The following KATNAL2 variants were observed in gnomAD, a reference collection of about 807,000 sequenced individuals.
KATNAL2 encodes katanin p60 ATPase-containing subunit A-like 2.
In KATNAL2, 52 loss-of-function variants were observed where a neutral mutation model predicts 76.3. That is an observed-to-expected ratio of 0.68 (90% confidence interval 0.55 to 0.86). The LOEUF (loss-of-function observed/expected upper bound fraction) is 0.86, where lower values mean the gene tolerates loss of function less well. Ranked by LOEUF, KATNAL2 falls within the 40% of genes least tolerant of loss-of-function variation. The pLI, the probability that KATNAL2 is intolerant of heterozygous loss-of-function variation, is 0.00. For missense variants in KATNAL2, 660 were observed against 668.9 expected (o/e 0.99, Z 0.15); for synonymous variants, 243 against 244.2 (o/e 1.00, Z 0.05).
chr18:47,046,740 C>T (rs916024832), intron 4 of KATNAL2, among the ~76,000 whole-genome samples: 1 of 152,068 alleles, frequency 6.6e-6, no homozygotes, highest in Non-Finnish European at 1.5e-5. Context: ...TTATTACTAC[C>T]GTTGATGAGC....
At chr18:46,931,139 T>TAATAATAATAAA (rs1555824545) in intron 1 of KATNAL2, among the ~76,000 whole-genome samples, 23,587 of 122,404 alleles carry the variant, frequency 0.19, 2,230 homozygotes, top group Middle Eastern at 0.25. Context: ...ATAATAATAA[T>TAATAATAATAAA]AAATAAATAA....
chr18:47,096,519 G>C (rs1378452579), intron 15 of KATNAL2, among the ~76,000 whole-genome samples: 1 of 151,858 alleles, frequency 6.6e-6, no homozygotes. Flanking sequence ...TTTTTATATT[G>C]TGCAGAGACG....
chr18:47,066,038 TG>T (rs1319854304), intron 10 of KATNAL2, among the ~76,000 whole-genome samples: 1 of 151,564 alleles, frequency 6.6e-6, no homozygotes, highest in East Asian at 1.9e-4. Flanking sequence ...GAACCTCCTA[TG>T]GTGGAGGGAA....
At chr18:46,955,767 A>G (rs1230908651) in intron 3 of KATNAL2, among the ~76,000 whole-genome samples, 1 of 152,070 alleles carries the variant, frequency 6.6e-6, no homozygotes, top group Non-Finnish European at 1.5e-5. Flanking sequence ...TGCTCAGGCC[A>G]GTCTTGAACT....
rs1199278968 is a variant in KATNAL2 at position 47,058,106 on chromosome 18, C to T, written c.333-129C>T. On this transcript the variant is annotated intron_variant, in intron 6 of 17. Transcript: ENST00000683218. ...TGGGTGGATCACATAGGTGGAAGGG[C>T]CCTATAGTTGCCACCTGCATATCTT... 7 of 686,324 alleles carry T rather than the reference C, an allele frequency of 1.0e-5. No homozygotes were observed. In the East Asian group the frequency reaches 1.8e-4, roughly 18 times the overall value. 42.5% of individuals were successfully genotyped at this position (686,324 alleles called of 1,614,324 possible). A position where few individuals can be genotyped will look rare whatever the true frequency, so the allele number is the denominator to read the frequency against.
intron 1 of KATNAL2, among the ~76,000 whole-genome samples, chr18:46,931,715 A>G (rs750203276): frequency 3.8e-4 from 58 of 151,264 alleles, no homozygotes; most frequent in Non-Finnish European, 7.4e-4. Flanking sequence ...AGAGAGAAAG[A>G]GAGAAAAAAG....
intron 13 of KATNAL2, among the ~76,000 whole-genome samples, chr18:47,070,423 C>A (rs1425573437): frequency 2.6e-5 from 4 of 152,074 alleles, no homozygotes; most frequent in Non-Finnish European, 5.9e-5. Flanking sequence ...GAGGTTGTTT[C>A]CATCTTTACA....
intron 3 of KATNAL2, among the ~76,000 whole-genome samples, chr18:46,953,880 T>C (rs541394283): frequency 1.1e-4 from 16 of 152,308 alleles, no homozygotes; most frequent in South Asian, 8.3e-4. Flanking sequence ...GCCCTTTTCA[T>C]TGGGGGATGC....
At chr18:47,098,088 T>C (rs996040173) in intron 15 of KATNAL2, 5 of 158,454 alleles carry the variant, frequency 3.2e-5, no homozygotes, top group African/African-American at 1.2e-4. Context: ...TAGAGAGATA[T>C]GAAGCAGATA....
At chr18:46,936,511 G>C (rs889480770) in intron 1 of KATNAL2, among the ~76,000 whole-genome samples, 19 of 152,262 alleles carry the variant, frequency 1.2e-4, no homozygotes, top group Admixed American at 8.5e-4. Flanking sequence ...AGGCTCAGGT[G>C]GGGGGATCGA....
intron 14 of KATNAL2, chr18:47,076,482 CTTG>C (rs971595955): frequency 2.2e-4 from 34 of 152,272 alleles, no homozygotes; most frequent in African/African-American, 7.0e-4. Context: ...TCCCTATGCA[CTTG>C]TTGTTACGTG....
chr18:47,065,317 C>T (rs2061755612), intron 10 of KATNAL2, among the ~76,000 whole-genome samples: 2 of 152,020 alleles, frequency 1.3e-5, no homozygotes, highest in African/African-American at 4.8e-5. Flanking sequence ...AAACATTAGC[C>T]AGGAGTTGGA....
In KATNAL2 at chr18:47,037,986, T is replaced by C. The variant is rs115026119; in HGVS notation, c.52-8471T>C. The stretch of plus-strand genomic sequence containing the variant: ...AGGAGTGAGCCACAGTGCCCGACCA[T>C]GAAAAGCCATTTTTGATGCAGCCTC... On this transcript the variant is annotated intron_variant, in intron 3 of 17. Coordinates refer to ENST00000683218, the MANE Select transcript of KATNAL2 (RefSeq NM_001387690.1). 6.2e-3 allele frequency among the ~76,000 whole-genome samples: 949 copies of C among 152,120 alleles called. 7 individuals are homozygous for C. Among genetic ancestry groups the C allele is most frequent in the African/African-American group, 0.021 (891 of 41,474 alleles).
intron 3 of KATNAL2, among the ~76,000 whole-genome samples, chr18:47,042,377 G>C (rs905266626): frequency 6.6e-6 from 1 of 152,066 alleles, no homozygotes; most frequent in Non-Finnish European, 1.5e-5. Flanking sequence ...GTGTTTTCTA[G>C]CACTCTGAAT....
chr18:46,958,846 C>T (rs927074660), intron 3 of KATNAL2, among the ~76,000 whole-genome samples: 1 of 152,158 alleles, frequency 6.6e-6, no homozygotes. Flanking sequence ...TGGAATTGAT[C>T]CACACATTCA....
At chr18:46,936,221 A>G (rs1019480814) in intron 1 of KATNAL2, among the ~76,000 whole-genome samples, 1 of 152,180 alleles carries the variant, frequency 6.6e-6, no homozygotes, top group Non-Finnish European at 1.5e-5. Context: ...ATTAACAAAC[A>G]TAACCCAATT....
At chr18:47,044,952 T>A (rs958637778) in intron 3 of KATNAL2, among the ~76,000 whole-genome samples, 32 of 152,024 alleles carry the variant, frequency 2.1e-4, no homozygotes, top group African/African-American at 7.0e-4. Context: ...AGATTAGTTT[T>A]ATCTAGGTGG....
intron 15 of KATNAL2, among the ~76,000 whole-genome samples, chr18:47,092,464 A>T (rs1663174278): frequency 6.6e-6 from 1 of 152,022 alleles, no homozygotes; most frequent in African/African-American, 2.4e-5. Context: ...GCACCACTGC[A>T]CTCTAGGCTG....
Position 47,053,010 on chromosome 18 carries a change from A to G in KATNAL2, c.253A>G (p.Lys85Glu). The part of the protein sequence containing the change: ...YESYYFVKFQ[K>E]YPKIVKKSSD... ...GAGTTATTATTTTGTAAAATTTCAG[A>G]AATACCCCAAAATTGTCAAAAAGTC... Residue 85 changes from lysine to glutamate, a missense_variant, in exon 5 of 18, where the codon AAA becomes GAA. Transcript: ENST00000683218. 1 of 1,606,982 alleles carries G rather than the reference A, an allele frequency of 6.2e-7. No homozygotes were observed. Among genetic ancestry groups the G allele is most frequent in the South Asian group, 1.1e-5 (1 of 89,122 alleles).
Sources: gnomAD v4.1 joint callset for allele counts (sites outside exome capture counted in the v4.1 genomes callset) on GRCh38, gnomAD v4.1.1 for gene constraint, MANE v1.5 for transcripts, NCBI Gene and HGNC (gene_info 2026-07-23, HGNC 2026-07-21) for gene names.